GRID1: variants seen among roughly 807,000 people sequenced by gnomAD.
GRID1 encodes glutamate receptor ionotropic, delta-1.
Under a neutral mutation model 98.0 loss-of-function variants are expected in GRID1, and 28 were observed. That is an observed-to-expected ratio of 0.29 (90% confidence interval 0.21 to 0.39). The LOEUF (loss-of-function observed/expected upper bound fraction) is 0.39. Ranked by LOEUF, GRID1 falls within the 10% of genes least tolerant of loss-of-function variation. The pLI is 1.00. For missense variants in GRID1, 1,111 were observed against 1,340.5 expected (o/e 0.83, Z 2.67); for synonymous variants, 553 against 538.5 (o/e 1.03, Z -0.37).
chr10:85,608,500 C>T (rs1354276046), intron 15 of GRID1, among the ~76,000 whole-genome samples: 2 of 152,196 alleles, frequency 1.3e-5, no homozygotes, highest in Non-Finnish European at 2.9e-5. Flanking sequence ...ATTCAATAAA[C>T]GTGTTTGAGC....
chr10:86,298,925 C>T (rs762772454), intron 2 of GRID1, among the ~76,000 whole-genome samples: 11 of 152,182 alleles, frequency 7.2e-5, no homozygotes, highest in South Asian at 2.1e-4. Flanking sequence ...CTGGGTGGCA[C>T]GTGAGGAAGG....
intron 8 of GRID1, among the ~76,000 whole-genome samples, chr10:85,749,916 G>C (rs1842030450): frequency 6.6e-6 from 1 of 152,040 alleles, no homozygotes. Context: ...GTTTTCAATA[G>C]TATTCATAAC....
intron 4 of GRID1, among the ~76,000 whole-genome samples, chr10:86,010,010 A>G: frequency 6.6e-6 from 1 of 152,060 alleles, no homozygotes; most frequent in East Asian, 1.9e-4. Flanking sequence ...AGGTTTGCAT[A>G]TCAGACACAG....
At chr10:85,640,475 G>C (rs1395702936) in intron 13 of GRID1, among the ~76,000 whole-genome samples, 1 of 152,140 alleles carries the variant, frequency 6.6e-6, no homozygotes, top group East Asian at 1.9e-4. Flanking sequence ...TTTGAATCTA[G>C]CATCCCAAAA....
At chr10:85,928,990 G>A (rs1841813130) in intron 4 of GRID1, among the ~76,000 whole-genome samples, 1 of 152,126 alleles carries the variant, frequency 6.6e-6, no homozygotes, top group Non-Finnish European at 1.5e-5. Flanking sequence ...TAAACTCCTT[G>A]GATTTCACTG....
chr10:85,874,864 T>G (rs1843312730), intron 5 of GRID1, among the ~76,000 whole-genome samples: 1 of 152,110 alleles, frequency 6.6e-6, no homozygotes, highest in Middle Eastern at 3.2e-3. Context: ...TTTTATTTTA[T>G]GTATTTATTT....
At chr10:86,342,198 G>T (rs1848319981) in intron 2 of GRID1, among the ~76,000 whole-genome samples, 1 of 152,162 alleles carries the variant, frequency 6.6e-6, no homozygotes, top group Admixed American at 6.5e-5. Context: ...GCAGGGATGA[G>T]AGGGGAGTAC....
chr10:86,334,714 T>C (rs1272069100), intron 2 of GRID1, among the ~76,000 whole-genome samples: 1 of 152,172 alleles, frequency 6.6e-6, no homozygotes, highest in Non-Finnish European at 1.5e-5. Flanking sequence ...GCACACACAA[T>C]GCTGGGCATA....
intron 8 of GRID1, among the ~76,000 whole-genome samples, chr10:85,818,943 A>T (rs1185373461): frequency 6.6e-6 from 1 of 151,746 alleles, no homozygotes; most frequent in Non-Finnish European, 1.5e-5. Flanking sequence ...CTGGTCTCAA[A>T]CTCCTGAGCT....
chr10:85,832,679 C>T (rs72842912), intron 8 of GRID1, among the ~76,000 whole-genome samples: 10 of 152,008 alleles, frequency 6.6e-5, no homozygotes, highest in East Asian at 3.9e-4. Flanking sequence ...TGGAACTCAG[C>T]GCTAGAGGAA....
At chr10:85,723,497 T>C (rs1841726837) in intron 11 of GRID1, among the ~76,000 whole-genome samples, 1 of 152,156 alleles carries the variant, frequency 6.6e-6, no homozygotes, top group African/African-American at 2.4e-5. Flanking sequence ...TTATGTAAGA[T>C]CCCTTTCCAA....
intron 8 of GRID1, among the ~76,000 whole-genome samples, chr10:85,768,637 T>C (rs1247820122): frequency 6.6e-6 from 1 of 152,228 alleles, no homozygotes; most frequent in Non-Finnish European, 1.5e-5. Flanking sequence ...TTTGAAAAGA[T>C]ACACAGCCTC....
chr10:85,760,785 G>A (rs564741906), intron 8 of GRID1, among the ~76,000 whole-genome samples: 1 of 152,300 alleles, frequency 6.6e-6, no homozygotes, highest in East Asian at 1.9e-4. Context: ...TTCCTGTTCA[G>A]TAGCCATTCT....
chr10:86,057,362 CCAGGTTCCCCAGTGT>C, intron 4 of GRID1, among the ~76,000 whole-genome samples: 1 of 152,322 alleles, frequency 6.6e-6, no homozygotes, highest in Middle Eastern at 3.4e-3. Flanking sequence ...CCCAGATGTG[CCAGGTTCCCCAGTGT>C]CTGGGATGAC....
chr10:86,245,117 G>A (rs1417855958), intron 2 of GRID1, among the ~76,000 whole-genome samples: 3 of 152,206 alleles, frequency 2.0e-5, no homozygotes. Flanking sequence ...ACCTGGCCTG[G>A]TACAGAGCCT....
At position 85,704,231 on chromosome 10, in the gene GRID1, G is replaced by A. The variant is rs544573669; in HGVS notation, c.1997+18772C>T. 3.9e-5 allele frequency among the ~76,000 whole-genome samples: 6 copies of A among 152,146 alleles called. No homozygotes were observed. The South Asian group carries it at 6.2e-4, about 16-fold the overall frequency. On this transcript the variant is annotated intron_variant, in intron 12 of 15. Coordinates refer to ENST00000327946, the MANE Select transcript of GRID1 (RefSeq NM_017551.3). ...GCTGTATTCAGGAAACCCATCTCAC[G>A]TGCAAAGACACACACAGGCTCAAAA...
At chr10:86,200,390 G>A (rs1845930369) in intron 3 of GRID1, among the ~76,000 whole-genome samples, 1 of 152,186 alleles carries the variant, frequency 6.6e-6, no homozygotes, top group Admixed American at 6.5e-5. Context: ...CAAAGGCATG[G>A]CAAAGTGGAG....
chr10:85,673,668 T>C (rs1158771786), intron 12 of GRID1, among the ~76,000 whole-genome samples: 1 of 152,226 alleles, frequency 6.6e-6, no homozygotes, highest in Non-Finnish European at 1.5e-5. Flanking sequence ...ATGTATATTT[T>C]TTAGACATAA....
chr10:85,645,273 G>A lies in GRID1; in HGVS notation c.2193+1929C>T, dbSNP rs116685993. Among the ~76,000 whole-genome samples, 723 of 152,200 alleles carry A rather than the reference G, an allele frequency of 4.8e-3. 9 individuals carry two copies. Among genetic ancestry groups the A allele is most frequent in the African/African-American group, 0.017 (689 of 41,518 alleles). ...CAAAGAAAGCCAGGAAAGGGAACGC[G>A]AAGGCCATTTGGCCCAGGCCTCACA... On this transcript the variant is annotated intron_variant, in intron 13 of 15. Transcript: ENST00000327946.
Sources: allele counts gnomAD v4.1 joint callset (sites outside exome capture counted in the v4.1 genomes callset), GRCh38; gene constraint gnomAD v4.1.1; transcripts MANE v1.5; gene names NCBI Gene and HGNC (gene_info 2026-07-23, HGNC 2026-07-21).